Variants in ARHGAP29 observed in about 807,000 individuals in gnomAD.
ARHGAP29 encodes Rho GTPase activating protein 29, also known as rho GTPase-activating protein 29.
ARHGAP29 carries 43 observed loss-of-function variants against 122.6 expected under a neutral mutation model. The ratio of observed to expected loss-of-function variants is 0.35; its 90% CI spans 0.27 to 0.45. The LOEUF is 0.45. Among genes scored for constraint, ARHGAP29 ranks in the 20% least tolerant of loss-of-function variants. ARHGAP29 has a pLI of 1.00. For synonymous variants in ARHGAP29, 506 were observed against 497.1 expected (o/e 1.02, Z -0.24); for missense variants, 1,303 against 1,477.2 (o/e 0.88, Z 1.93).
At chr1:94,253,315 G>T (rs1654179763) in intron 1 of ARHGAP29, among the ~76,000 whole-genome samples, 3 of 152,054 alleles carry the variant, frequency 2.0e-5, no homozygotes, top group Non-Finnish European at 2.9e-5. Flanking sequence ...CTTTCCCCGG[G>T]CTTACAGTTA....
rs369293214 is a variant in ARHGAP29, at chr1:94,184,175, G to T, written c.2223C>A (p.Asp741Glu). 3 of 1,607,924 alleles carry T rather than the reference G, an allele frequency of 1.9e-6. No homozygotes were observed. Among genetic ancestry groups the T allele is most frequent in the Non-Finnish European group, 2.5e-6 (3 of 1,178,146 alleles). The stretch of plus-strand genomic sequence containing the variant: ...CCTGCCGAAGGTATAATTTCAAGAC[G>T]TCACAGATATCATGTGAACTAAATT... Reference protein sequence around the residue: ...ISEFSSHDICDVLKLYLRQLP... With the variant: ...ISEFSSHDICEVLKLYLRQLP... The change falls in exon 19 of 23, where the codon GAC (aspartate) becomes GAA (glutamate). Residue 741 changes from aspartate (D) to glutamate (E), a missense_variant. Physicochemically the swap from Asp to Glu is conservative, Grantham distance 45 (BLOSUM62 2). Transcript: ENST00000260526.
intron 2 of ARHGAP29, among the ~76,000 whole-genome samples, chr1:94,221,984 A>C (rs1411387319): frequency 6.6e-6 from 1 of 151,638 alleles, no homozygotes; most frequent in African/African-American, 2.4e-5. Context: ...TAAAAAAAAA[A>C]AAAAACTAAA....
rs1557831635 is a variant in ARHGAP29, at chr1:94,171,596, A to C, written c.*2273T>G. Among the ~76,000 whole-genome samples, 1 of 152,214 alleles carries C rather than the reference A, an allele frequency of 6.6e-6. No individual in the cohort carries two copies. The highest frequency in any genetic ancestry group is 1.5e-5 in the Non-Finnish European group (1 of 68,036). ...ACTATTAGATAGCACAACACAGTGC[A>C]CACTGTGGATCCTCTAGAAATAGCA... On this transcript the variant is annotated 3_prime_UTR_variant, in exon 23 of 23. Coordinates refer to ENST00000260526, the MANE Select transcript of ARHGAP29 (RefSeq NM_004815.4).
At chr1:94,260,190 A>G (rs1166913888) in intron 1 of ARHGAP29, among the ~76,000 whole-genome samples, 1 of 152,200 alleles carries the variant, frequency 6.6e-6, no homozygotes, top group Admixed American at 6.5e-5. Context: ...ATTATATGGT[A>G]GCCTTTTCCC....
the ARHGAP29 span, among the ~76,000 whole-genome samples, chr1:94,303,679 T>A: frequency 1.3e-5 from 2 of 152,224 alleles, no homozygotes; most frequent in Admixed American, 1.3e-4. Context: ...TAAGTGCTCA[T>A]AAATATGAAA....
the ARHGAP29 span, among the ~76,000 whole-genome samples, chr1:94,305,937 T>G: frequency 2.2e-4 from 33 of 152,332 alleles, no homozygotes; most frequent in East Asian, 4.8e-3. Flanking sequence ...GCAATCACCC[T>G]GCCTGACCAC....
intron 1 of ARHGAP29, among the ~76,000 whole-genome samples, chr1:94,249,904 G>A (rs1257463966): frequency 1.3e-5 from 2 of 152,070 alleles, no homozygotes; most frequent in Non-Finnish European, 2.9e-5. Flanking sequence ...CATTAGTTAG[G>A]TCTGTATCTA....
chr1:94,215,129 A>G (rs1377670726), intron 3 of ARHGAP29, among the ~76,000 whole-genome samples: 2 of 151,324 alleles, frequency 1.3e-5, no homozygotes, highest in East Asian at 3.8e-4. Context: ...AGAAAATAAT[A>G]AAATACATAG....
intron 1 of ARHGAP29, among the ~76,000 whole-genome samples, chr1:94,251,022 GTAA>G (rs1452995500): frequency 6.6e-6 from 1 of 152,126 alleles, no homozygotes; most frequent in Non-Finnish European, 1.5e-5. Context: ...TATGGTGGTA[GTAA>G]TAATAACTAG....
chr1:94,181,985 A>C (rs146253514), intron 19 of ARHGAP29, among the ~76,000 whole-genome samples: 3 of 152,362 alleles, frequency 2.0e-5, no homozygotes, highest in Admixed American at 6.5e-5. Flanking sequence ...GTAAAATATT[A>C]AACTAATTTC....
At chr1:94,237,617 G>T (rs1570589811), upstream of ARHGAP29, 9 of 986,982 alleles carry the variant, frequency 9.1e-6, no homozygotes, top group South Asian at 3.2e-4. Context: ...CTACCGCCAC[G>T]GCCGCACCGC....
the ARHGAP29 span, among the ~76,000 whole-genome samples, chr1:94,285,706 C>T: frequency 2.0e-5 from 3 of 151,834 alleles, no homozygotes; most frequent in Non-Finnish European, 4.4e-5. Context: ...GAAACCCAGT[C>T]TCTACTAAAA....
Position 94,203,210 on chromosome 1 carries a change from C to T in ARHGAP29, c.763G>A (p.Glu255Lys). 6.3e-7 allele frequency: 1 copy of T among 1,588,096 alleles called. No homozygotes were observed. ...EATRTNIGIQ[E>K]FMPLQSLFTN... The stretch of plus-strand genomic sequence containing the variant: ...AACAGAGACTGCAGTGGCATGAACT[C>T]CTAAAATTTAAAATTGAAAAGTAAA... Residue 255 changes from glutamate (E) to lysine (K), a missense_variant and splice_region_variant, in exon 9 of 23, where the codon GAG becomes AAG. Glu to Lys is a moderately conservative substitution (Grantham distance 56). Around this residue, in one of 3 missense-constraint regions of ARHGAP29, gnomAD observed 592 missense variants for 648.2 expected, o/e 0.91. Transcript: ENST00000260526.
chr1:94,184,123 G>A (rs1217042987), intron 19 of ARHGAP29, 28 bp downstream of exon 19: 6 of 1,589,884 alleles, frequency 3.8e-6, no homozygotes, highest in Non-Finnish European at 5.1e-6. Context: ...TTAATTTAAT[G>A]GTGGGTTTCA....
At chr1:94,201,903 T>G (rs777402403) in intron 11 of ARHGAP29, 46 bp from the exon 12 acceptor site, 207 of 1,469,880 alleles carry the variant, frequency 1.4e-4, no homozygotes, top group Admixed American at 3.1e-4. Context: ...AATTTATATT[T>G]TAAACAAATA....
chr1:94,177,623 G>A lies in ARHGAP29; in HGVS notation c.2894C>T (p.Ala965Val). 6.2e-7 allele frequency: 1 copy of A among 1,609,486 alleles called. No individual in the cohort carries two copies. The highest frequency in any genetic ancestry group is 8.5e-7 in the Non-Finnish European group (1 of 1,178,112). ...RKQNALGKCDACLSDKAQLLL... is the reference protein window; with the variant it reads ...RKQNALGKCDVCLSDKAQLLL... ...ACATGGCTACTCACCACTGAGACAT[G>A]CATCACATTTTCCTAACGCATTTTG... The change falls in exon 22 of 23, where the codon GCA becomes GTA. Residue 965 changes from alanine (A) to valine (V), a missense_variant. Around this residue, in one of 3 missense-constraint regions of ARHGAP29, gnomAD observed 620 missense variants for 651.2 expected, o/e 0.95. Coordinates refer to ENST00000260526, the MANE Select transcript of ARHGAP29 (RefSeq NM_004815.4).
At chr1:94,222,037 A>C (rs1030104240) in intron 2 of ARHGAP29, among the ~76,000 whole-genome samples, 2 of 152,114 alleles carry the variant, frequency 1.3e-5, no homozygotes, top group Non-Finnish European at 2.9e-5. Flanking sequence ...GGCATGTCAA[A>C]GGTGCACAGG....
intron 11 of ARHGAP29, chr1:94,202,159 T>G: frequency 2.3e-6 from 1 of 442,464 alleles, no homozygotes; most frequent in Non-Finnish European, 3.9e-6. Flanking sequence ...AAAATTACAT[T>G]TCATCAATAA....
chr1:94,250,483 GC>G (rs1321051522), intron 1 of ARHGAP29: 1 of 152,222 alleles, frequency 6.6e-6, no homozygotes, highest in Non-Finnish European at 1.5e-5. Flanking sequence ...CTGGACTGCG[GC>G]TGTCCTTGAC....
Sources: allele counts gnomAD v4.1 joint callset (sites outside exome capture counted in the v4.1 genomes callset), GRCh38; gene constraint gnomAD v4.1.1; regional missense constraint gnomAD v4.1.1; transcripts MANE v1.5; gene names NCBI Gene and HGNC (gene_info 2026-07-23, HGNC 2026-07-21).